Variants in ARF6 observed in about 807,000 individuals in gnomAD.
The protein encoded by ARF6 is ARF GTPase 6.
For synonymous variants in ARF6, 127 were observed against 95.5 expected (o/e 1.33, Z -1.92); for missense variants, 75 against 232.0 (o/e 0.32, Z 4.40).
chr14:49,894,302 C>A lies in ARF6; in HGVS notation c.*38C>A, dbSNP rs1209057900. On this transcript the variant is annotated 3_prime_UTR_variant, in exon 2 of 2. Coordinates refer to ENST00000298316, the MANE Select transcript of ARF6 (RefSeq NM_001663.4). ...ACCCATCCCCTGGAAGGAGAGAAAT[C>A]AAAAACCCATTCATAGGATTATCGC... is the stretch of plus-strand genomic sequence containing the variant. 1.9e-6 allele frequency: 3 copies of A among 1,543,004 alleles called. No homozygotes were observed. Among genetic ancestry groups the A allele is most frequent in the Admixed American group, 4.1e-5 (2 of 48,552 alleles).
Position 49,894,297 on chromosome 14 carries a change from G to A in ARF6, c.*33G>A, listed in dbSNP as rs1223623849. 8 of 1,555,228 alleles carry A rather than the reference G, an allele frequency of 5.1e-6. No individual in the cohort carries two copies. Among genetic ancestry groups the A allele is most frequent in the Middle Eastern group, 1.7e-4 (1 of 5,844 alleles). On this transcript the variant is annotated 3_prime_UTR_variant, in exon 2 of 2. Transcript: ENST00000298316. Reference sequence around the variant, plus strand: ...TCTCCACCCATCCCCTGGAAGGAGAGAAATCAAAAACCCATTCATAGGATT... The same window carrying A: ...TCTCCACCCATCCCCTGGAAGGAGAAAAATCAAAAACCCATTCATAGGATT...
At position 49,893,421 on chromosome 14, in the gene ARF6, C is replaced by G. The variant is rs1400119015; in HGVS notation, c.-316C>G. ...TGAGAGGAAGGCGGAGGAGCGGGAA[C>G]CGCGGCGGCGCTCGCGCGGCGCCTG... is the stretch of plus-strand genomic sequence containing the variant. On this transcript the variant is annotated 5_prime_UTR_variant, in exon 2 of 2. Transcript: ENST00000298316. The G allele has an allele frequency of 4.5e-6, 1 of 222,208 alleles. No individual in the cohort carries two copies. The highest frequency in any genetic ancestry group is 8.6e-6 in the Non-Finnish European group (1 of 115,782). 13.8% of individuals were successfully genotyped at this position (222,208 alleles called of 1,614,324 possible).
chr14:49,895,639 AG>A lies in ARF6; in HGVS notation c.*1377del, dbSNP rs1412766230. 1 of 167,088 alleles carries A rather than the reference AG, an allele frequency of 6.0e-6. No individual in the cohort carries two copies. Among genetic ancestry groups the A allele is most frequent in the African/African-American group, 2.4e-5 (1 of 41,476 alleles). 10.4% of individuals were successfully genotyped at this position (167,088 alleles called of 1,614,324 possible). A position where few individuals can be genotyped will look rare whatever the true frequency, so the allele number is the denominator to read the frequency against. On this transcript the variant is annotated 3_prime_UTR_variant, in exon 2 of 2. Transcript: ENST00000298316. ...GAGGGATGACTATTAAAGGGGACGTAGGATGAAGAGAAAGAACCTACAGATG... is the reference window on the plus strand; with the variant it reads ...GAGGGATGACTATTAAAGGGGACGTAGATGAAGAGAAAGAACCTACAGATG...
In ARF6 at chr14:49,893,901, A is replaced by G. The variant is rs1406778977; in HGVS notation, c.165A>G (p.Lys55=). The G allele has an allele frequency of 6.2e-7, 1 of 1,614,192 alleles. No homozygotes were observed. Among genetic ancestry groups the G allele is most frequent in the African/African-American group, 1.3e-5 (1 of 75,052 alleles). The part of the protein sequence containing the change: ...VGFNVETVTY[K]NVKFNVWDVG... ...TCAACGTGGAGACGGTGACTTACAAAAATGTCAAGTTCAACGTATGGGATG... is the reference window on the plus strand; with the variant it reads ...TCAACGTGGAGACGGTGACTTACAAGAATGTCAAGTTCAACGTATGGGATG... Residue 55 remains lysine (K), a synonymous_variant, in exon 2 of 2, where the codon AAA becomes AAG. Transcript: ENST00000298316.
Position 49,895,339 on chromosome 14 carries a change from A to G in ARF6, c.*1075A>G, listed in dbSNP as rs1032863247. The G allele has an allele frequency of 6.0e-6, 1 of 167,068 alleles. No individual in the cohort carries two copies. The highest frequency in any genetic ancestry group is 1.5e-5 in the Non-Finnish European group (1 of 68,106). 10.3% of individuals were successfully genotyped at this position (167,068 alleles called of 1,614,324 possible). On this transcript the variant is annotated 3_prime_UTR_variant, in exon 2 of 2. Transcript: ENST00000298316. ...TCATTAATAAAACATTTAACAATTC[A>G]AATTATATGCACCTTTTACCTAGTT... is the stretch of plus-strand genomic sequence containing the variant.
In ARF6 at chr14:49,895,949, TTTTG is replaced by T. The variant is rs1894518104; in HGVS notation, c.*1689_*1692del. ...AGTATACAGGAAAAGGTGGAGTGGG[TTTTG>T]TTTATGAGGGTGTCTGAAAACTAAA... On this transcript the variant is annotated 3_prime_UTR_variant, in exon 2 of 2. Coordinates refer to ENST00000298316, the MANE Select transcript of ARF6 (RefSeq NM_001663.4). 6.0e-6 allele frequency: 1 copy of T among 166,982 alleles called. No individual in the cohort carries two copies. Among genetic ancestry groups the T allele is most frequent in the African/African-American group, 2.4e-5 (1 of 41,436 alleles). 10.3% of individuals were successfully genotyped at this position (166,982 alleles called of 1,614,324 possible). A position where few individuals can be genotyped will look rare whatever the true frequency, so the allele number is the denominator to read the frequency against.
At position 49,894,198 on chromosome 14, in the gene ARF6, C is replaced by G. The variant is rs1218541957; in HGVS notation, c.462C>G (p.Ser154=). The change falls in exon 2 of 2, where the codon TCC becomes TCG. Residue 154 remains serine (S), a synonymous_variant. Coordinates refer to ENST00000298316, the MANE Select transcript of ARF6 (RefSeq NM_001663.4). The part of the protein sequence containing the change: ...IRDRNWYVQP[S]CATSGDGLYE... ...ACAGGAACTGGTATGTGCAGCCCTC[C>G]TGTGCCACCTCAGGGGACGGACTCT... The G allele has an allele frequency of 6.2e-7, 1 of 1,614,048 alleles. No individual in the cohort carries two copies. Among genetic ancestry groups the G allele is most frequent in the Admixed American group, 1.7e-5 (1 of 59,998 alleles).
At position 49,893,723 on chromosome 14, in the gene ARF6, G is replaced by T. The variant is rs757772096; in HGVS notation, c.-14G>T. 13 of 1,605,390 alleles carry T rather than the reference G, an allele frequency of 8.1e-6. No individual in the cohort carries two copies. The highest frequency in any genetic ancestry group is 1.1e-5 in the Non-Finnish European group (13 of 1,172,808). ...GGACACCTGAATGCCCCCGGCCCCGGCTCCTCCGACGCGATGGGGAAGGTG... is the reference window on the plus strand; with the variant it reads ...GGACACCTGAATGCCCCCGGCCCCGTCTCCTCCGACGCGATGGGGAAGGTG... On this transcript the variant is annotated 5_prime_UTR_variant, in exon 2 of 2. Coordinates refer to ENST00000298316, the MANE Select transcript of ARF6 (RefSeq NM_001663.4).
Position 49,893,569 on chromosome 14 carries a change from A to G in ARF6, c.-168A>G. 1 of 754,276 alleles carries G rather than the reference A, an allele frequency of 1.3e-6. No homozygotes were observed. The highest frequency in any genetic ancestry group is 1.9e-5 in the South Asian group (1 of 53,702). The allele number at this position is 754,276 out of a possible 1,614,324, so 46.7% of individuals were successfully genotyped here. A position where few individuals can be genotyped will look rare whatever the true frequency, so the allele number is the denominator to read the frequency against. The stretch of plus-strand genomic sequence containing the variant: ...CAAGTTGTGCGGTCGGTGATGCCCG[A>G]GTGAGCGGGGGGCCTGGGCCTCTGC... On this transcript the variant is annotated 5_prime_UTR_variant, in exon 2 of 2. Transcript: ENST00000298316.
rs1894481914 is a variant in ARF6 at position 49,893,718 on chromosome 14, C to G, written c.-19C>G. The G allele has an allele frequency of 6.2e-7, 1 of 1,604,338 alleles. No homozygotes were observed. Among genetic ancestry groups the G allele is most frequent in the Non-Finnish European group, 8.5e-7 (1 of 1,172,272 alleles). The stretch of plus-strand genomic sequence containing the variant: ...ACCCGGGACACCTGAATGCCCCCGG[C>G]CCCGGCTCCTCCGACGCGATGGGGA... On this transcript the variant is annotated 5_prime_UTR_variant, in exon 2 of 2. Transcript: ENST00000298316.
rs774810229 is a variant in ARF6, at chr14:49,894,270, A to G, written c.*6A>G. Reference sequence around the variant, plus strand: ...CCTCTAACTACAAATCTTAATGAGCATTCTCCACCCATCCCCTGGAAGGAG... The same window carrying G: ...CCTCTAACTACAAATCTTAATGAGCGTTCTCCACCCATCCCCTGGAAGGAG... On this transcript the variant is annotated 3_prime_UTR_variant, in exon 2 of 2. Transcript: ENST00000298316. 6.3e-7 allele frequency: 1 copy of G among 1,597,546 alleles called. No homozygotes were observed.
rs1894494146 is a variant in ARF6 at position 49,894,474 on chromosome 14, T to TA, written c.*210_*211insA. 2.5e-6 allele frequency: 1 copy of TA among 393,390 alleles called. No individual in the cohort carries two copies. Among genetic ancestry groups the TA allele is most frequent in the Non-Finnish European group, 4.4e-6 (1 of 226,260 alleles). 24.4% of individuals were successfully genotyped at this position (393,390 alleles called of 1,614,324 possible). ...TTTCCTTTTTTTTTTTTTTTTTTTTTTGTTGGCTTTGCGTTAGGATGCTCT... is the reference window on the plus strand; with the variant it reads ...TTTCCTTTTTTTTTTTTTTTTTTTTTATGTTGGCTTTGCGTTAGGATGCTCT... On this transcript the variant is annotated 3_prime_UTR_variant, in exon 2 of 2. Coordinates refer to ENST00000298316, the MANE Select transcript of ARF6 (RefSeq NM_001663.4).
At position 49,893,808 on chromosome 14, in the gene ARF6, C is replaced by T. The variant is rs373412874; in HGVS notation, c.72C>T (p.Ala24=). The T allele has an allele frequency of 9.9e-6, 16 of 1,614,224 alleles. 1 individual carries two copies. Among genetic ancestry groups the T allele is most frequent in the East Asian group, 4.5e-5 (2 of 44,892 alleles). ...MRILMLGLDA[A]GKTTILYKLK... is the part of the protein sequence containing the mutation. ...TCCTCATGTTGGGCCTGGACGCGGC[C>T]GGCAAGACAACAATCCTGTACAAGT... Residue 24 remains alanine, a synonymous_variant, in exon 2 of 2, where the codon GCC becomes GCT. Coordinates refer to ENST00000298316, the MANE Select transcript of ARF6 (RefSeq NM_001663.4).
rs887670612 is a variant in ARF6 at position 49,896,543 on chromosome 14, G to A, written c.*2279G>A. 1 of 166,966 alleles carries A rather than the reference G, an allele frequency of 6.0e-6. No homozygotes were observed. Among genetic ancestry groups the A allele is most frequent in the Non-Finnish European group, 1.5e-5 (1 of 68,082 alleles). 10.3% of individuals were successfully genotyped at this position (166,966 alleles called of 1,614,324 possible). On this transcript the variant is annotated 3_prime_UTR_variant, in exon 2 of 2. Coordinates refer to ENST00000298316, the MANE Select transcript of ARF6 (RefSeq NM_001663.4). ...TTTTTGTGTCTTAAAATAACTGGGG[G>A]CATAGTTAAAATTTTATACATCAAG...
In ARF6 at chr14:49,896,527, CTT is replaced by C. The variant is rs1455576271; in HGVS notation, c.*2264_*2265del. The C allele has an allele frequency of 1.8e-5, 3 of 166,788 alleles. No individual in the cohort carries two copies. Among genetic ancestry groups the C allele is most frequent in the African/African-American group, 7.3e-5 (3 of 41,344 alleles). The allele number at this position is 166,788 out of a possible 1,614,324, so 10.3% of individuals were successfully genotyped here. On this transcript the variant is annotated 3_prime_UTR_variant, in exon 2 of 2. Transcript: ENST00000298316. The stretch of plus-strand genomic sequence containing the variant: ...TTGGTAGGCAGCCATTTTTTTGTGT[CTT>C]AAAATAACTGGGGGCATAGTTAAAA...
At position 49,893,503 on chromosome 14, in the gene ARF6, C is replaced by A; in HGVS notation, c.-234C>A. On this transcript the variant is annotated 5_prime_UTR_variant, in exon 2 of 2. Transcript: ENST00000298316. ...GCCTCAGCAGGGCGGCGGCTCCCAG[C>A]GCAGTCTCAGGGCCCGGGTGGCGGC... The A allele has an allele frequency of 1.9e-6, 1 of 523,474 alleles. No individual in the cohort carries two copies. Among genetic ancestry groups the A allele is most frequent in the Non-Finnish European group, 3.4e-6 (1 of 296,340 alleles). 32.4% of individuals were successfully genotyped at this position (523,474 alleles called of 1,614,324 possible). A position where few individuals can be genotyped will look rare whatever the true frequency, so the allele number is the denominator to read the frequency against.
chr14:49,895,531 A>G lies in ARF6; in HGVS notation c.*1267A>G, dbSNP rs1894510034. 6.0e-6 allele frequency: 1 copy of G among 166,806 alleles called. No individual in the cohort carries two copies. The highest frequency in any genetic ancestry group is 1.5e-5 in the Non-Finnish European group (1 of 68,114). 10.3% of individuals were successfully genotyped at this position (166,806 alleles called of 1,614,324 possible). ...GTTTGTAGGATTAACTCATGCAAAT[A>G]ATAAAAAAGATATCCTGTTGGTTCA... On this transcript the variant is annotated 3_prime_UTR_variant, in exon 2 of 2. Transcript: ENST00000298316.
Position 49,893,860 on chromosome 14 carries a change from A to G in ARF6, c.124A>G (p.Ile42Val). ...GAAGCTGGGCCAGTCGGTGACCACC[A>G]TTCCCACTGTGGGTTTCAACGTGGA... The part of the protein sequence containing the change: ...KLKLGQSVTT[I>V]PTVGFNVETV... The change falls in exon 2 of 2, where the codon ATT (isoleucine) becomes GTT (valine). Residue 42 changes from isoleucine (I) to valine (V), a missense_variant. Transcript: ENST00000298316. 6.2e-7 allele frequency: 1 copy of G among 1,614,244 alleles called. No individual in the cohort carries two copies.
At position 49,893,964 on chromosome 14, in the gene ARF6, T is replaced by C; in HGVS notation, c.228T>C (p.His76=). Residue 76 remains histidine (H), a synonymous_variant, in exon 2 of 2, where the codon CAT becomes CAC. Coordinates refer to ENST00000298316, the MANE Select transcript of ARF6 (RefSeq NM_001663.4). ...GQDKIRPLWR[H]YYTGTQGLIF... The stretch of plus-strand genomic sequence containing the variant: ...ACAAGATCCGGCCGCTCTGGCGGCA[T>C]TACTACACTGGGACCCAAGGTCTCA... 2 of 1,614,242 alleles carry C rather than the reference T, an allele frequency of 1.2e-6. No individual in the cohort carries two copies. Among genetic ancestry groups the C allele is most frequent in the Non-Finnish European group, 1.7e-6 (2 of 1,180,038 alleles).
Sources: allele counts gnomAD v4.1 joint callset, GRCh38; gene constraint gnomAD v4.1.1; transcripts MANE v1.5; gene names NCBI Gene and HGNC (gene_info 2026-07-23, HGNC 2026-07-21).